The following PPFIA2 variants were observed in gnomAD, a reference collection of about 807,000 sequenced individuals.
The protein encoded by PPFIA2 is liprin-alpha-2.
In PPFIA2, 46 loss-of-function variants were observed where a neutral mutation model predicts 175.5. That is an observed-to-expected ratio of 0.26 (90% CI 0.21 to 0.34). PPFIA2 has a LOEUF of 0.34. Ranked by LOEUF, PPFIA2 falls within the 10% of genes least tolerant of loss-of-function variation. The pLI is 1.00. For synonymous variants in PPFIA2, 568 were observed against 511.4 expected (o/e 1.11, Z -1.49); for missense variants, 1,179 against 1,506.1 (o/e 0.78, Z 3.60).
At chr12:81,548,975 T>C (rs1362380264) in intron 4 of PPFIA2, among the ~76,000 whole-genome samples, 1 of 152,154 alleles carries the variant, frequency 6.6e-6, no homozygotes, top group Non-Finnish European at 1.5e-5. Context: ...ATTTCAAAGC[T>C]TTCATTGGTA....
At chr12:81,314,985 G>T (rs564985853) in intron 22 of PPFIA2, among the ~76,000 whole-genome samples, 5 of 151,798 alleles carry the variant, frequency 3.3e-5, no homozygotes, top group Non-Finnish European at 5.9e-5. Flanking sequence ...TAAGAAAATG[G>T]AAAGGGATGA....
Position 81,277,402 on chromosome 12 carries a change from T to C in PPFIA2, c.3225A>G (p.Gln1075=), listed in dbSNP as rs1239731713. Residue 1075 remains glutamine (Q), a synonymous_variant, in exon 28 of 33, where the codon CAA becomes CAG. Transcript: ENST00000549396. The stretch of plus-strand genomic sequence containing the variant: ...ACCTCTTTAAGCACATAATTCCATA[T>C]TGTAAACTTGTTCTTTTTTTTTTAT... ...MVDSFHRTSL[Q]YGIMCLKRLN... is the part of the protein sequence containing the mutation. 8 of 1,511,612 alleles carry C rather than the reference T, an allele frequency of 5.3e-6. No individual in the cohort carries two copies. Among genetic ancestry groups the C allele is most frequent in the Admixed American group, 4.9e-5 (2 of 40,776 alleles). 93.6% of individuals were successfully genotyped at this position (1,511,612 alleles called of 1,614,324 possible). A position where few individuals can be genotyped will look rare whatever the true frequency, so the allele number is the denominator to read the frequency against.
At chr12:81,534,430 C>A (rs2153305462) in intron 4 of PPFIA2, among the ~76,000 whole-genome samples, 1 of 151,666 alleles carries the variant, frequency 6.6e-6, no homozygotes, top group East Asian at 1.9e-4. Flanking sequence ...ATGCATGTAA[C>A]AAAATATCAC....
chr12:81,443,934 A>C (rs2050735340), intron 6 of PPFIA2, among the ~76,000 whole-genome samples: 1 of 130,844 alleles, frequency 7.6e-6, no homozygotes, highest in Admixed American at 9.2e-5. Flanking sequence ...GGCTCACTGC[A>C]AGCTCCACCT....
chr12:81,709,032 T>A (rs1203250415), intron 3 of PPFIA2, among the ~76,000 whole-genome samples: 2 of 152,130 alleles, frequency 1.3e-5, no homozygotes, highest in East Asian at 1.9e-4. Context: ...AACCCCCTTT[T>A]ATTTTATTTT....
chr12:81,463,256 T>C (rs1187911931), intron 4 of PPFIA2, among the ~76,000 whole-genome samples: 2 of 151,954 alleles, frequency 1.3e-5, no homozygotes, highest in Non-Finnish European at 2.9e-5. Flanking sequence ...TAACACAGAG[T>C]ATTATCAGAA....
chr12:81,588,812 G>T (rs893889134), intron 4 of PPFIA2, among the ~76,000 whole-genome samples: 1 of 151,996 alleles, frequency 6.6e-6, no homozygotes, highest in Non-Finnish European at 1.5e-5. Context: ...TGTTTCAGTA[G>T]CTGCTTTATT....
intron 3 of PPFIA2, among the ~76,000 whole-genome samples, chr12:81,705,328 C>T (rs1273155608): frequency 1.3e-4 from 19 of 146,932 alleles, no homozygotes; most frequent in African/African-American, 4.0e-4. Context: ...TGGTGGTGGG[C>T]GCCTGTAATC....
At chr12:81,304,875 T>C (rs2048770079) in intron 22 of PPFIA2, among the ~76,000 whole-genome samples, 1 of 151,880 alleles carries the variant, frequency 6.6e-6, no homozygotes. Flanking sequence ...ATAAAATAAT[T>C]TGTACATTAT....
chr12:81,668,436 C>G (rs535617017), intron 4 of PPFIA2, among the ~76,000 whole-genome samples: 1 of 152,012 alleles, frequency 6.6e-6, no homozygotes, highest in African/African-American at 2.4e-5. Flanking sequence ...CTTGCATGTC[C>G]GCAAACTCCA....
intron 4 of PPFIA2, among the ~76,000 whole-genome samples, chr12:81,604,087 A>G (rs536161385): frequency 3.5e-4 from 53 of 151,746 alleles, no homozygotes; most frequent in Non-Finnish European, 7.1e-4. Context: ...AACAACTGCA[A>G]TGTAGTTTGA....
At chr12:81,758,263 T>A in intron 2 of PPFIA2, 137 bp downstream of exon 2, 1 of 405,670 alleles carries the variant, frequency 2.5e-6, no homozygotes. Flanking sequence ...GAGGATGAGG[T>A]GAAAGCAAAA....
At chr12:81,758,264 G>A in intron 2 of PPFIA2, 136 bp downstream of exon 2, 1 of 406,654 alleles carries the variant, frequency 2.5e-6, no homozygotes, top group South Asian at 1.8e-5. Context: ...AGGATGAGGT[G>A]AAAGCAAAAG....
At chr12:81,655,549 A>G (rs988424708) in intron 4 of PPFIA2, among the ~76,000 whole-genome samples, 6 of 151,940 alleles carry the variant, frequency 3.9e-5, no homozygotes, top group African/African-American at 1.4e-4. Context: ...TTTTTGGCCA[A>G]TGGGTTAATT....
chr12:81,290,580 C>T (rs1475220347), intron 24 of PPFIA2, among the ~76,000 whole-genome samples: 2 of 151,192 alleles, frequency 1.3e-5, no homozygotes, highest in South Asian at 2.1e-4. Context: ...ATATATATTC[C>T]TATAATAATA....
intron 17 of PPFIA2, among the ~76,000 whole-genome samples, chr12:81,352,381 G>A (rs1403586803): frequency 6.7e-6 from 1 of 148,898 alleles, no homozygotes; most frequent in South Asian, 2.1e-4. Flanking sequence ...GGCAGACAGA[G>A]AGAGAGAGAG....
At chr12:81,513,234 A>C (rs879785806) in intron 4 of PPFIA2, among the ~76,000 whole-genome samples, 1 of 152,094 alleles carries the variant, frequency 6.6e-6, no homozygotes, top group Non-Finnish European at 1.5e-5. Flanking sequence ...TACATAATTT[A>C]AAAAGTCAAA....
At chr12:81,410,895 A>G (rs973906021) in intron 7 of PPFIA2, among the ~76,000 whole-genome samples, 1 of 152,106 alleles carries the variant, frequency 6.6e-6, no homozygotes, top group Non-Finnish European at 1.5e-5. Context: ...AACACATGGA[A>G]GAGATGAGGC....
intron 4 of PPFIA2, among the ~76,000 whole-genome samples, chr12:81,471,658 C>T (rs1434796101): frequency 1.3e-5 from 2 of 151,778 alleles, no homozygotes; most frequent in African/African-American, 4.9e-5. Context: ...TGGTTATATA[C>T]CCAGAAGTGG....
Sources: allele counts gnomAD v4.1 joint callset (sites outside exome capture counted in the v4.1 genomes callset), GRCh38; gene constraint gnomAD v4.1.1; transcripts MANE v1.5; gene names NCBI Gene and HGNC (gene_info 2026-07-23, HGNC 2026-07-21).